RASA2: variants seen among roughly 807,000 people sequenced by gnomAD.
RASA2 encodes ras GTPase-activating protein 2.
Under a neutral mutation model 118.2 loss-of-function variants are expected in RASA2, and 155 were observed. The observed-to-expected ratio is 1.31, with a 90% CI of 1.15 to 1.50. The LOEUF (loss-of-function observed/expected upper bound fraction) is 1.50, where lower values mean the gene tolerates loss of function less well. RASA2 is among the 40% of genes most tolerant of loss of function. The pLI is 0.00. For missense variants in RASA2, 1,016 were observed against 1,009.6 expected (o/e 1.01, Z -0.09); for synonymous variants, 353 against 349.1 (o/e 1.01, Z -0.12).
chr3:141,607,814 G>A, intron 20 of RASA2, 54 bp downstream of exon 20: 1 of 1,463,044 alleles, frequency 6.8e-7, no homozygotes, highest in East Asian at 2.5e-5. Flanking sequence ...TATTACTTAA[G>A]TATTTGTATT....
At chr3:141,561,276 T>A (rs780991116) in intron 9 of RASA2, among the ~76,000 whole-genome samples, 1 of 152,222 alleles carries the variant, frequency 6.6e-6, no homozygotes, top group African/African-American at 2.4e-5. Flanking sequence ...AAACACGTTG[T>A]AGTGCCTCCG....
In RASA2 at chr3:141,576,985, A is replaced by ATT. The variant is rs985391018; in HGVS notation, c.1484-9_1484-8dup. 2 of 1,526,576 alleles carry ATT rather than the reference A, an allele frequency of 1.3e-6. No individual in the cohort carries two copies. Among genetic ancestry groups the ATT allele is most frequent in the East Asian group, 4.6e-5 (2 of 43,384 alleles). 94.6% of individuals were successfully genotyped at this position (1,526,576 alleles called of 1,614,324 possible). On this transcript the variant is annotated splice_polypyrimidine_tract_variant and intron_variant, in intron 14 of 23. Transcript: ENST00000286364. The stretch of plus-strand genomic sequence containing the variant: ...TTGTTTTTGTGCATGACATTTCACC[A>ATT]TTTTTTTCCTGCAGATGACCCTCAT...
At chr3:141,563,051 G>C (rs1173127673) in intron 9 of RASA2, among the ~76,000 whole-genome samples, 1 of 152,162 alleles carries the variant, frequency 6.6e-6, no homozygotes, top group Non-Finnish European at 1.5e-5. Flanking sequence ...CTTTGGGTTT[G>C]TCTACCTCAA....
At chr3:141,591,701 C>T (rs2083287118) in intron 19 of RASA2, among the ~76,000 whole-genome samples, 1 of 152,134 alleles carries the variant, frequency 6.6e-6, no homozygotes, top group South Asian at 2.1e-4. Context: ...TACACATATA[C>T]ATACACACAA....
intron 16 of RASA2, 116 bp from the exon 17 acceptor site, chr3:141,580,984 T>C (rs1034092951): frequency 8.8e-7 from 1 of 1,141,196 alleles, no homozygotes; most frequent in Admixed American, 4.1e-5. Context: ...CCCTGAACTC[T>C]CTGAAAATAT....
At chr3:141,598,863 T>C (rs2083416549) in intron 19 of RASA2, among the ~76,000 whole-genome samples, 1 of 152,090 alleles carries the variant, frequency 6.6e-6, no homozygotes, top group Admixed American at 6.5e-5. Flanking sequence ...GGTGGGCAGA[T>C]CACTTGAGGT....
chr3:141,600,307 G>GC, intron 19 of RASA2: 1 of 537,514 alleles, frequency 1.9e-6, no homozygotes, highest in Non-Finnish European at 3.8e-6. Context: ...TTCTTCTCCT[G>GC]CACTGTCTGA....
chr3:141,491,542 C>T (rs1311954604), intron 1 of RASA2, among the ~76,000 whole-genome samples: 3 of 152,126 alleles, frequency 2.0e-5, no homozygotes, highest in African/African-American at 7.2e-5. Context: ...CCCTACCTCA[C>T]AATGTTATCC....
rs1232720225 is a variant in RASA2 at position 141,613,276 on chromosome 3, A to T, written c.*963A>T. 6.6e-6 allele frequency: 1 copy of T among 152,162 alleles called. No individual in the cohort carries two copies. Among genetic ancestry groups the T allele is most frequent in the Non-Finnish European group, 1.5e-5 (1 of 68,026 alleles). 9.4% of individuals were successfully genotyped at this position (152,162 alleles called of 1,614,324 possible). On this transcript the variant is annotated 3_prime_UTR_variant, in exon 24 of 24. Transcript: ENST00000286364. ...TCTGGACTGCTCCAGATTTGACTTT[A>T]GATACTCCATGGTATCTAGTCTTTA...
chr3:141,511,543 T>G (rs1207381090), intron 1 of RASA2, among the ~76,000 whole-genome samples: 1 of 152,142 alleles, frequency 6.6e-6, no homozygotes, highest in Non-Finnish European at 1.5e-5. Context: ...TTGGGTTAAA[T>G]CATGCTGCCA....
At chr3:141,552,630 T>G (rs146451189) in intron 5 of RASA2, among the ~76,000 whole-genome samples, 1 of 152,352 alleles carries the variant, frequency 6.6e-6, no homozygotes, top group East Asian at 1.9e-4. Context: ...AAAATCTGAC[T>G]GTACCTCAAC....
rs915319353 is a variant in RASA2, at chr3:141,612,405, T to G, written c.*92T>G. ...GTATTTTGTTCATGGTATTTAAGAA[T>G]GAGCATCCGCTTCAATGTCATCTGC... is the stretch of plus-strand genomic sequence containing the variant. On this transcript the variant is annotated 3_prime_UTR_variant, in exon 24 of 24. Coordinates refer to ENST00000286364, the MANE Select transcript of RASA2 (RefSeq NM_006506.5). 5.7e-6 allele frequency: 6 copies of G among 1,051,118 alleles called. No individual in the cohort carries two copies. Among genetic ancestry groups the G allele is most frequent in the Non-Finnish European group, 8.4e-6 (6 of 718,228 alleles). The allele number at this position is 1,051,118 out of a possible 1,614,324, so 65.1% of individuals were successfully genotyped here. A position where few individuals can be genotyped will look rare whatever the true frequency, so the allele number is the denominator to read the frequency against.
rs146956359 is a variant in RASA2, at chr3:141,572,655, C to T, written c.1216C>T (p.Leu406=). Residue 406 remains leucine, a synonymous_variant, in exon 12 of 24, where the codon CTG becomes TTG. Transcript: ENST00000286364. ...AGGAAATTCCCTGGCTACCCGATGT[C>T]TGGATGAGATGATGAAAATAGTGGG... is the stretch of plus-strand genomic sequence containing the variant. ...FRGNSLATRC[L]DEMMKIVGGH... is the part of the protein sequence containing the mutation. 4.9e-5 allele frequency: 79 copies of T among 1,613,508 alleles called. No homozygotes were observed. The highest frequency in any genetic ancestry group is 6.2e-5 in the Non-Finnish European group (73 of 1,179,774).
Position 141,573,146 on chromosome 3 carries a change from G to A in RASA2, c.1285-1G>A. The A allele has an allele frequency of 6.4e-7, 1 of 1,551,818 alleles. No homozygotes were observed. ...CATTAACTGAAAAATTTATTTTTCA[G>A]ATATGTGACTCCTCAAAATCCTGTG... is the stretch of plus-strand genomic sequence containing the variant. On this transcript the variant is annotated splice_acceptor_variant, in intron 12 of 23. Coordinates refer to ENST00000286364, the MANE Select transcript of RASA2 (RefSeq NM_006506.5). LOFTEE classifies it high-confidence loss of function.
intron 1 of RASA2, among the ~76,000 whole-genome samples, chr3:141,497,379 G>A (rs2081718442): frequency 1.3e-5 from 2 of 151,334 alleles, no homozygotes; most frequent in African/African-American, 4.9e-5. Flanking sequence ...CCTATAGGGA[G>A]TATATTTATA....
At chr3:141,585,473 G>A (rs2083186152) in intron 17 of RASA2, among the ~76,000 whole-genome samples, 1 of 152,136 alleles carries the variant, frequency 6.6e-6, no homozygotes, top group South Asian at 2.1e-4. Flanking sequence ...ATTCCTACAA[G>A]GAAATATGTT....
intron 4 of RASA2, among the ~76,000 whole-genome samples, chr3:141,534,408 A>G (rs2082300027): frequency 6.6e-6 from 1 of 152,142 alleles, no homozygotes; most frequent in South Asian, 2.1e-4. Flanking sequence ...CAAATCTCCC[A>G]TATGGAGAAT....
At position 141,614,244 on chromosome 3, in the gene RASA2, A is replaced by C. The variant is rs765767329; in HGVS notation, c.*1931A>C. 3 of 152,190 alleles carry C rather than the reference A, an allele frequency of 2.0e-5. No homozygotes were observed. The highest frequency in any genetic ancestry group is 7.2e-5 in the African/African-American group (3 of 41,450). 9.4% of individuals were successfully genotyped at this position (152,190 alleles called of 1,614,324 possible). A position where few individuals can be genotyped will look rare whatever the true frequency, so the allele number is the denominator to read the frequency against. On this transcript the variant is annotated 3_prime_UTR_variant, in exon 24 of 24. Transcript: ENST00000286364. ...TCACAGGGACCAAGGCTGTGTGCAT[A>C]TATAACTCTGGATTTGAAAGGAGGA...
intron 6 of RASA2, among the ~76,000 whole-genome samples, chr3:141,554,908 T>C (rs757067973): frequency 3.3e-5 from 5 of 152,236 alleles, no homozygotes; most frequent in Admixed American, 6.5e-5. Context: ...TAATAATCTC[T>C]ACCTGACAAA....
Sources: allele counts gnomAD v4.1 joint callset (sites outside exome capture counted in the v4.1 genomes callset), GRCh38; gene constraint gnomAD v4.1.1; transcripts MANE v1.5; gene names NCBI Gene and HGNC (gene_info 2026-07-23, HGNC 2026-07-21).